The following CAMTA1 variants were observed in gnomAD, a reference collection of about 807,000 sequenced individuals.
CAMTA1 encodes the protein calmodulin binding transcription activator 1.
Under a neutral mutation model 170.9 loss-of-function variants are expected in CAMTA1, and 27 were observed. That is an observed-to-expected ratio of 0.16 (90% CI 0.12 to 0.22). CAMTA1 has a LOEUF of 0.22. CAMTA1 is among the 10% of genes least tolerant of loss of function. CAMTA1 has a pLI of 1.00. For missense variants in CAMTA1, 1,619 were observed against 2,217.2 expected (o/e 0.73, Z 5.42); for synonymous variants, 833 against 891.5 (o/e 0.93, Z 1.17).
At chr1:7,134,468 A>AATTATT (rs113900869) in intron 4 of CAMTA1, among the ~76,000 whole-genome samples, 2 of 151,336 alleles carry the variant, frequency 1.3e-5, no homozygotes, top group African/African-American at 4.9e-5. Context: ...TAATTAAACA[A>AATTATT]ATTATTATTA....
At chr1:7,684,956 C>T (rs575869854) in intron 11 of CAMTA1, among the ~76,000 whole-genome samples, 78 of 152,276 alleles carry the variant, frequency 5.1e-4, no homozygotes, top group Admixed American at 1.8e-3. Context: ...TTGTGAGAAG[C>T]GCAGTGAAGA....
In CAMTA1 at chr1:6,900,111, C is replaced by T. The variant is rs138857796; in HGVS notation, c.234+74901C>T. On this transcript the variant is annotated intron_variant, in intron 3 of 22. Transcript: ENST00000303635. ...TACCAGGCTGAAAGAGATCACTTTACCAGAAGCTTACAGTAAATATCCAGG... is the reference window on the plus strand; with the variant it reads ...TACCAGGCTGAAAGAGATCACTTTATCAGAAGCTTACAGTAAATATCCAGG... Among the ~76,000 whole-genome samples the T allele has an allele frequency of 5.8e-3, 879 of 152,332 alleles. 8 individuals carry two copies. The highest frequency in any genetic ancestry group is 0.012 in the Admixed American group (178 of 15,310).
At chr1:7,296,694 C>G (rs1003820410) in intron 5 of CAMTA1, among the ~76,000 whole-genome samples, 3 of 151,870 alleles carry the variant, frequency 2.0e-5, no homozygotes, top group Non-Finnish European at 2.9e-5. Flanking sequence ...GTTTTGGCCA[C>G]GTCAAGGGTG....
rs572086242 is a variant in CAMTA1 at position 7,354,212 on chromosome 1, G to A, written c.438+104586G>A. The stretch of plus-strand genomic sequence containing the variant: ...CGCCCAGGCTGGAGTGCAGTGGCAC[G>A]ATCTTGGCTCACTGCAAGCTCCACC... On this transcript the variant is annotated intron_variant, in intron 5 of 22. Transcript: ENST00000303635. Among the ~76,000 whole-genome samples, 10 of 149,696 alleles carry A rather than the reference G, an allele frequency of 6.7e-5. No homozygotes were observed. In the South Asian group the frequency reaches 1.5e-3, roughly 22 times the overall value.
rs192437420 is a variant in CAMTA1 at position 6,970,301 on chromosome 1, C to A, written c.235-121003C>A. ...AGTGTATCTGTAATCCTAATGTGTA[C>A]GGGACCTTATGTCCTGCTTTGCTTG... is the stretch of plus-strand genomic sequence containing the variant. On this transcript the variant is annotated intron_variant, in intron 3 of 22. Coordinates refer to ENST00000303635, the MANE Select transcript of CAMTA1 (RefSeq NM_015215.4). This position sits in a 1 kb window ranked among gnomAD's most constrained non-coding sequence, Gnocchi z 4.4. 6.6e-6 allele frequency among the ~76,000 whole-genome samples: 1 copy of A among 152,144 alleles called. No individual in the cohort carries two copies. The highest frequency in any genetic ancestry group is 1.5e-5 in the Non-Finnish European group (1 of 68,020).
intron 7 of CAMTA1, among the ~76,000 whole-genome samples, chr1:7,643,324 C>T (rs2095780386): frequency 1.3e-5 from 2 of 152,334 alleles, no homozygotes; most frequent in Middle Eastern, 3.4e-3. Flanking sequence ...CCCCAATCCC[C>T]TGGGCCCCAG....
Position 7,010,594 on chromosome 1 carries a change from T to C in CAMTA1, c.235-80710T>C, listed in dbSNP as rs1420712075. Among the ~76,000 whole-genome samples the C allele has an allele frequency of 6.6e-6, 1 of 152,086 alleles. No homozygotes were observed. The highest frequency in any genetic ancestry group is 2.4e-5 in the African/African-American group (1 of 41,398). ...CAGCTGGGTGACGTTTCATTATCCA[T>C]AACATAGAGAAGATACTGAGAGTCC... On this transcript the variant is annotated intron_variant, in intron 3 of 22. Transcript: ENST00000303635. This position sits in a 1 kb window ranked among gnomAD's most constrained non-coding sequence, Gnocchi z 4.4.
At chr1:7,307,288 C>T (rs1461526453) in intron 5 of CAMTA1, among the ~76,000 whole-genome samples, 2 of 151,404 alleles carry the variant, frequency 1.3e-5, no homozygotes, top group Non-Finnish European at 3.0e-5. Flanking sequence ...TTTGTGTGTT[C>T]ATCTTGTATC....
In CAMTA1 at chr1:7,562,915, A is replaced by G. The variant is rs1270017833; in HGVS notation, c.511-77485A>G. Among the ~76,000 whole-genome samples the G allele has an allele frequency of 6.6e-6, 1 of 152,180 alleles. No individual in the cohort carries two copies. ...CCAGGGCCCCATGGGCTGTTTAGCC[A>G]GAGCTTGGGGCCCACCCACCCCAGC... On this transcript the variant is annotated intron_variant, in intron 6 of 22. Coordinates refer to ENST00000303635, the MANE Select transcript of CAMTA1 (RefSeq NM_015215.4). This position sits in a 1 kb window ranked among gnomAD's most constrained non-coding sequence, Gnocchi z 4.8.
At chr1:7,255,025 T>C (rs12028181) in intron 5 of CAMTA1, among the ~76,000 whole-genome samples, 90,384 of 152,070 alleles carry the variant, frequency 0.59, 27,292 homozygotes, top group South Asian at 0.73. Flanking sequence ...TAAAAAATCA[T>C]GTGTCTCACG....
At chr1:7,552,643 G>T (rs966340485) in intron 6 of CAMTA1, among the ~76,000 whole-genome samples, 6 of 152,214 alleles carry the variant, frequency 3.9e-5, no homozygotes, top group Non-Finnish European at 8.8e-5. Context: ...TATCCAGGAG[G>T]TTGCTCATTA....
intron 11 of CAMTA1, among the ~76,000 whole-genome samples, chr1:7,703,950 G>A (rs1267473884): frequency 6.6e-6 from 1 of 152,090 alleles, no homozygotes; most frequent in Non-Finnish European, 1.5e-5. Context: ...GACCCAAAGG[G>A]TGGGCGGAGC....
intron 3 of CAMTA1, among the ~76,000 whole-genome samples, chr1:6,969,875 T>C (rs1436839474): frequency 6.6e-6 from 1 of 152,208 alleles, no homozygotes; most frequent in Non-Finnish European, 1.5e-5. Context: ...TGGTCTCCTT[T>C]CTGCAATGGC....
intron 5 of CAMTA1, chr1:7,441,623 C>T (rs1232521860): frequency 6.6e-6 from 1 of 152,134 alleles, no homozygotes; most frequent in Non-Finnish European, 1.5e-5. Context: ...AAGAGGCGGT[C>T]CTTGGCTGAT....
chr1:7,360,111 C>T (rs146368030), intron 5 of CAMTA1, among the ~76,000 whole-genome samples: 22 of 152,236 alleles, frequency 1.4e-4, no homozygotes, highest in East Asian at 5.8e-4. Flanking sequence ...CCAACCCCCA[C>T]CTTTTTATAA....
At chr1:7,387,998 C>G (rs1339340325) in intron 5 of CAMTA1, among the ~76,000 whole-genome samples, 1 of 152,162 alleles carries the variant, frequency 6.6e-6, no homozygotes. Context: ...TGACCTCCCC[C>G]TTCCCCTGCC....
chr1:7,408,748 G>T (rs1156550966), intron 5 of CAMTA1, among the ~76,000 whole-genome samples: 1 of 152,210 alleles, frequency 6.6e-6, no homozygotes, highest in Non-Finnish European at 1.5e-5. Flanking sequence ...GCCTTGCTGG[G>T]CAAGCATCAG....
intron 3 of CAMTA1, among the ~76,000 whole-genome samples, chr1:7,028,689 T>C (rs553977309): frequency 6.6e-6 from 1 of 152,296 alleles, no homozygotes; most frequent in East Asian, 1.9e-4. Context: ...CTTGGTATTA[T>C]TGTGAGTCAT....
At chr1:7,651,739 C>T (rs1265437664) in intron 7 of CAMTA1, among the ~76,000 whole-genome samples, 1 of 152,264 alleles carries the variant, frequency 6.6e-6, no homozygotes, top group Non-Finnish European at 1.5e-5. Flanking sequence ...CAACCACTTT[C>T]CAGATGAAGA....
Sources: gnomAD v4.1 joint callset for allele counts (sites outside exome capture counted in the v4.1 genomes callset) on GRCh38, gnomAD v4.1.1 for gene constraint, Gnocchi (gnomAD v3.1) non-coding constraint, MANE v1.5 for transcripts, NCBI Gene and HGNC (gene_info 2026-07-23, HGNC 2026-07-21) for gene names.